The following OR1L8 variants were observed in gnomAD, a reference collection of about 807,000 sequenced individuals.
The protein encoded by OR1L8 is olfactory receptor 1L8.
For synonymous variants in OR1L8, 148 were observed against 147.0 expected (o/e 1.01, Z -0.05); for missense variants, 330 against 377.4 (o/e 0.87, Z 1.04).
At chr9:122,582,103 TC>T (rs1162066609) in intron 1 of OR1L8, among the ~76,000 whole-genome samples, 8 of 152,126 alleles carry the variant, frequency 5.3e-5, no homozygotes, top group African/African-American at 1.9e-4. Flanking sequence ...TTTTTTTAAG[TC>T]TAATTTATTT....
At chr9:122,573,848 G>A (rs1829594961) in intron 3 of OR1L8, among the ~76,000 whole-genome samples, 1 of 152,082 alleles carries the variant, frequency 6.6e-6, no homozygotes, top group Admixed American at 6.6e-5. Context: ...TTTCTCTTAT[G>A]TTATCCTCTA....
chr9:122,581,347 A>C (rs56903795), intron 1 of OR1L8, among the ~76,000 whole-genome samples: 1 of 151,858 alleles, frequency 6.6e-6, no homozygotes, highest in Non-Finnish European at 1.5e-5. Context: ...GCCTGGCGAC[A>C]GAGCAAGACT....
chr9:122,560,616 G>A, the OR1L8 span, among the ~76,000 whole-genome samples: 42 of 152,182 alleles, frequency 2.8e-4, no homozygotes, highest in East Asian at 3.9e-4. Flanking sequence ...GAAATTCTGC[G>A]TTGAAAATTC....
chr9:122,567,715 T>G lies in OR1L8; in HGVS notation c.763A>C (p.Ser255Arg). The change falls in exon 5 of 5, where the codon AGC (serine) becomes CGC (arginine). Residue 255 changes from serine (S) to arginine (R), a missense_variant. Transcript: ENST00000641027. ...GGCTGTAAATAGACACAGAAGATGCTTCCATAAAAGAGCGTCACCACGGTG... is the reference window on the plus strand; with the variant it reads ...GGCTGTAAATAGACACAGAAGATGCGTCCATAAAAGAGCGTCACCACGGTG... ...YLTVVTLFYG[S>R]IFCVYLQPPS... is the part of the protein sequence containing the mutation. 1 of 1,614,026 alleles carries G rather than the reference T, an allele frequency of 6.2e-7. No individual in the cohort carries two copies. Among genetic ancestry groups the G allele is most frequent in the East Asian group, 2.2e-5 (1 of 44,884 alleles).
rs1829448246 is a variant in OR1L8 at position 122,567,459 on chromosome 9, C to G, written c.*89G>C. 1.0e-6 allele frequency: 1 copy of G among 987,828 alleles called. No individual in the cohort carries two copies. Among genetic ancestry groups the G allele is most frequent in the Admixed American group, 2.3e-5 (1 of 42,680 alleles). 61.2% of individuals were successfully genotyped at this position (987,828 alleles called of 1,614,324 possible). A position where few individuals can be genotyped will look rare whatever the true frequency, so the allele number is the denominator to read the frequency against. On this transcript the variant is annotated 3_prime_UTR_variant, in exon 5 of 5. Transcript: ENST00000641027. ...TCACATGGGTCAGAAGTGCTAGCTT[C>G]CAACAGCTTTGACTGTTCACCAGAA...
the OR1L8 span, among the ~76,000 whole-genome samples, chr9:122,550,811 C>T: frequency 6.6e-6 from 1 of 151,778 alleles, no homozygotes; most frequent in Non-Finnish European, 1.5e-5. Context: ...TGGGGGAAAG[C>T]TGAACGCATT....
downstream of OR1L8, among the ~76,000 whole-genome samples, chr9:122,565,496 T>G (rs2118704406): frequency 6.6e-6 from 1 of 152,306 alleles, no homozygotes; most frequent in Non-Finnish European, 1.5e-5. Flanking sequence ...GTACTCCCAC[T>G]AACCAGGGCT....
At chr9:122,553,281 C>T in the OR1L8 span, 8 of 1,613,764 alleles carry the variant, frequency 5.0e-6, no homozygotes, top group Non-Finnish European at 6.8e-6. Context: ...CTCTGAGTGG[C>T]CAGAGGAGCA....
the OR1L8 span, among the ~76,000 whole-genome samples, chr9:122,560,873 T>A: frequency 6.6e-6 from 1 of 152,226 alleles, no homozygotes. Flanking sequence ...AATGTTGGTC[T>A]GTCTTGCTAG....
At chr9:122,569,540 T>TTTTTTTTGCAATTAAAGTTTTTGAGTA (rs373863890) in intron 4 of OR1L8, among the ~76,000 whole-genome samples, 8 of 152,106 alleles carry the variant, frequency 5.3e-5, no homozygotes, top group South Asian at 2.1e-4. Flanking sequence ...ACCTTGTGAA[T>TTTTTTTTGCAATTAAAGTTTTTGAGTA]AGGCATATTA....
At chr9:122,553,939 C>A in the OR1L8 span, 3 of 1,613,964 alleles carry the variant, frequency 1.9e-6, no homozygotes, top group African/African-American at 1.3e-5. Flanking sequence ...GCCTTCTCTA[C>A]CTGTGGTTCT....
chr9:122,551,762 AGCACATTGGGAGATGGTGTTCTAGGAGC>A, the OR1L8 span, among the ~76,000 whole-genome samples: 2 of 152,180 alleles, frequency 1.3e-5, no homozygotes, highest in African/African-American at 4.8e-5. Context: ...GACCTTAACG[AGCACATTGGGAGATGGTGTTCTAGGAGC>A]CTTTATAACC....
chr9:122,570,309 G>T (rs1434170573), intron 4 of OR1L8, among the ~76,000 whole-genome samples: 2 of 151,602 alleles, frequency 1.3e-5, no homozygotes, highest in African/African-American at 2.4e-5. Flanking sequence ...GTGTAAAATT[G>T]TTCCTATTTC....
rs1368553226 is a variant in OR1L8 at position 122,578,382 on chromosome 9, G to C, written c.-536C>G. The C allele has an allele frequency of 6.6e-6, 1 of 151,252 alleles. No homozygotes were observed. Among genetic ancestry groups the C allele is most frequent in the African/African-American group, 2.4e-5 (1 of 41,002 alleles). 9.4% of individuals were successfully genotyped at this position (151,252 alleles called of 1,614,324 possible). On this transcript the variant is annotated 5_prime_UTR_variant, in exon 2 of 5. Coordinates refer to ENST00000641027, the MANE Select transcript of OR1L8 (RefSeq NM_001004454.2). ...GAGAATAGCTTGAACCTGGGAGGCG[G>C]AGATTGCAGTGAGTTGAGATCATGC...
chr9:122,557,953 A>G, the OR1L8 span, among the ~76,000 whole-genome samples: 2 of 151,964 alleles, frequency 1.3e-5, no homozygotes. Context: ...TGGCTTTCCA[A>G]GAATTGGTCC....
At chr9:122,564,609 A>G (rs1043539939), downstream of OR1L8, among the ~76,000 whole-genome samples, 1 of 152,238 alleles carries the variant, frequency 6.6e-6, no homozygotes, top group East Asian at 1.9e-4. Context: ...AGATAGATGG[A>G]TCCTGGAGAA....
At chr9:122,567,086 CAAG>C (rs1161132600), downstream of OR1L8, 3 of 152,280 alleles carry the variant, frequency 2.0e-5, no homozygotes, top group African/African-American at 7.2e-5. Flanking sequence ...TAAAAATTCT[CAAG>C]AAGAGAAAAT....
rs1829466318 is a variant in OR1L8 at position 122,568,028 on chromosome 9, G to A, written c.450C>T (p.Cys150=). Residue 150 remains cysteine, a synonymous_variant, in exon 5 of 5, where the codon TGC becomes TGT. Coordinates refer to ENST00000641027, the MANE Select transcript of OR1L8 (RefSeq NM_001004454.2). ...HHCVLLVAFS[C]SFPHLHSLLH... ...GGAGTGAGTGGAGGTGAGGAAATGAGCAGGAGAAGGCCACCAGCAGGACAC... is the reference window on the plus strand; with the variant it reads ...GGAGTGAGTGGAGGTGAGGAAATGAACAGGAGAAGGCCACCAGCAGGACAC... 9 of 1,613,972 alleles carry A rather than the reference G, an allele frequency of 5.6e-6. No homozygotes were observed. The highest frequency in any genetic ancestry group is 1.3e-5 in the African/African-American group (1 of 74,908).
downstream of OR1L8, among the ~76,000 whole-genome samples, chr9:122,562,684 G>A (rs377635171): frequency 1.2e-4 from 19 of 152,300 alleles, no homozygotes; most frequent in East Asian, 1.4e-3. Flanking sequence ...TACCTTGGTT[G>A]CCGTTGCAGG....
Sources: allele counts gnomAD v4.1 joint callset (sites outside exome capture counted in the v4.1 genomes callset), GRCh38; gene constraint gnomAD v4.1.1; transcripts MANE v1.5; gene names NCBI Gene and HGNC (gene_info 2026-07-23, HGNC 2026-07-21).